The following SDK1 variants were observed in gnomAD, a reference collection of about 807,000 sequenced individuals.
SDK1 encodes the protein protein sidekick-1.
A neutral mutation model predicts 245.5 loss-of-function variants in SDK1; 157 were observed. The ratio of observed to expected loss-of-function variants is 0.64; its 90% confidence interval spans 0.56 to 0.73. The LOEUF is 0.73. Among genes scored for constraint, SDK1 ranks in the 30% least tolerant of loss-of-function variants. SDK1 has a pLI of 0.00. For missense variants in SDK1, 3,583 were observed against 3,002.3 expected (o/e 1.19, Z -4.52); for synonymous variants, 1,647 against 1,278.5 (o/e 1.29, Z -6.15).
chr7:4,102,881 C>T (rs1235420884), intron 22 of SDK1, among the ~76,000 whole-genome samples: 1 of 146,736 alleles, frequency 6.8e-6, no homozygotes, highest in Non-Finnish European at 1.5e-5. Flanking sequence ...TACCGGGTGG[C>T]ATTTGAAATA....
chr7:3,814,204 T>C (rs1159402301), intron 4 of SDK1, among the ~76,000 whole-genome samples: 1 of 151,686 alleles, frequency 6.6e-6, no homozygotes, highest in Admixed American at 6.6e-5. Context: ...ATGTCCTGAA[T>C]GGTAATGCCT....
chr7:3,641,793 A>G (rs1782656424), intron 3 of SDK1, among the ~76,000 whole-genome samples, 165 bp from the exon 4 acceptor site: 2 of 152,216 alleles, frequency 1.3e-5, no homozygotes, highest in Non-Finnish European at 2.9e-5. Context: ...TTCACTCGCA[A>G]GCAGATCCGC....
intron 1 of SDK1, among the ~76,000 whole-genome samples, chr7:3,347,506 T>G (rs930477297): frequency 3.3e-5 from 5 of 152,188 alleles, no homozygotes; most frequent in African/African-American, 1.2e-4. Context: ...CCCTAGCCAT[T>G]GGGCTCAAAT....
intron 1 of SDK1, among the ~76,000 whole-genome samples, chr7:3,338,837 A>G (rs1780272106): frequency 6.6e-6 from 1 of 152,168 alleles, no homozygotes; most frequent in Admixed American, 6.5e-5. Context: ...AAACTGGTAT[A>G]CTCGAGCACT....
intron 1 of SDK1, among the ~76,000 whole-genome samples, chr7:3,459,628 CA>C (rs1273269942): frequency 6.6e-6 from 1 of 152,158 alleles, no homozygotes; most frequent in Non-Finnish European, 1.5e-5. Flanking sequence ...TTTTTAAAAT[CA>C]GGGAAGAAAA....
chr7:3,497,034 G>A (rs990468336), intron 1 of SDK1, among the ~76,000 whole-genome samples: 2 of 152,142 alleles, frequency 1.3e-5, no homozygotes, highest in Admixed American at 6.6e-5. Flanking sequence ...CATTTATCCA[G>A]TGAAAAATGT....
At chr7:3,569,964 C>G (rs1780054520) in intron 1 of SDK1, among the ~76,000 whole-genome samples, 3 of 152,168 alleles carry the variant, frequency 2.0e-5, no homozygotes, top group African/African-American at 7.2e-5. Context: ...GTGTTTTTCT[C>G]TCACTTTGGC....
intron 25 of SDK1, among the ~76,000 whole-genome samples, chr7:4,118,977 G>C (rs556909741): frequency 6.7e-6 from 1 of 148,530 alleles, no homozygotes; most frequent in East Asian, 1.9e-4. Flanking sequence ...GCTTCTTTTG[G>C]GGATGATGAG....
intron 1 of SDK1, among the ~76,000 whole-genome samples, chr7:3,356,685 C>G (rs1160504244): frequency 1.3e-5 from 2 of 152,040 alleles, no homozygotes; most frequent in Non-Finnish European, 2.9e-5. Flanking sequence ...TTTTTGCAAA[C>G]CCAATTTTAT....
chr7:3,531,416 T>G (rs768881198), intron 1 of SDK1, among the ~76,000 whole-genome samples: 4 of 152,210 alleles, frequency 2.6e-5, no homozygotes, highest in Non-Finnish European at 5.9e-5. Context: ...ATTTAAATTT[T>G]TTATTTTCTT....
At chr7:3,485,682 G>GATTTTTTTTTTTT (rs1562515905) in intron 1 of SDK1, among the ~76,000 whole-genome samples, 1 of 30,970 alleles carries the variant, frequency 3.2e-5, no homozygotes, top group African/African-American at 1.4e-4. Flanking sequence ...ATCTTTGGAG[G>GATTTTTTTTTTTT]GTTTTTTTTT....
intron 5 of SDK1, among the ~76,000 whole-genome samples, chr7:3,846,286 A>G (rs544791911): frequency 6.6e-6 from 1 of 152,242 alleles, no homozygotes; most frequent in East Asian, 1.9e-4. Context: ...GGATCTCAAT[A>G]AAGATTTCCT....
At chr7:3,456,745 C>A (rs1258569193) in intron 1 of SDK1, among the ~76,000 whole-genome samples, 2 of 152,072 alleles carry the variant, frequency 1.3e-5, no homozygotes, top group Non-Finnish European at 1.5e-5. Context: ...TTGTGATTCC[C>A]CTAGGTTTGG....
At chr7:3,715,239 T>G (rs1785165997) in intron 4 of SDK1, among the ~76,000 whole-genome samples, 1 of 152,252 alleles carries the variant, frequency 6.6e-6, no homozygotes, top group Non-Finnish European at 1.5e-5. Context: ...TTTAAGGTTT[T>G]ATTTTACTTT....
chr7:3,647,957 T>G (rs1379954817), intron 4 of SDK1, among the ~76,000 whole-genome samples: 1 of 152,184 alleles, frequency 6.6e-6, no homozygotes, highest in Non-Finnish European at 1.5e-5. Flanking sequence ...GAACAGTATA[T>G]TGAGAGAATT....
At chr7:3,644,773 C>CAAAAAAAAAAAAAAAAA (rs34276127) in intron 4 of SDK1, among the ~76,000 whole-genome samples, 3 of 40,034 alleles carry the variant, frequency 7.5e-5, no homozygotes, top group Admixed American at 3.9e-4. Flanking sequence ...ACCCTGTCTC[C>CAAAAAAAAAAAAAAAAA]AAAAAAAAAA....
rs559723496 is a variant in SDK1 at position 3,562,593 on chromosome 7, G to A, written c.299-56487G>A. On this transcript the variant is annotated intron_variant, in intron 1 of 44. Coordinates refer to ENST00000404826, the MANE Select transcript of SDK1 (RefSeq NM_152744.4). ...GCAGCCTGTGGACGAGGCAGCCATA[G>A]GTGTCTGGAGAGTCTGGAGGAAACT... Among the ~76,000 whole-genome samples the A allele has an allele frequency of 3.9e-5, 6 of 152,312 alleles. No individual in the cohort carries two copies. In the South Asian group the frequency reaches 1.2e-3, roughly 32 times the overall value.
At chr7:3,954,592 G>C (rs1275781544) in intron 7 of SDK1, among the ~76,000 whole-genome samples, 1 of 42,902 alleles carries the variant, frequency 2.3e-5, no homozygotes, top group Non-Finnish European at 4.2e-5. Context: ...TATACTCTCC[G>C]CCCTCCGTTC....
chr7:3,409,856 A>G (rs1283163824), intron 1 of SDK1, among the ~76,000 whole-genome samples: 2 of 152,168 alleles, frequency 1.3e-5, no homozygotes, highest in African/African-American at 4.8e-5. Flanking sequence ...GAACTCTCCT[A>G]GCAGAGTTTA....
Sources: allele counts gnomAD v4.1 joint callset (sites outside exome capture counted in the v4.1 genomes callset), GRCh38; gene constraint gnomAD v4.1.1; transcripts MANE v1.5; gene names NCBI Gene and HGNC (gene_info 2026-07-23, HGNC 2026-07-21).